The following AOAH variants were observed in gnomAD, a reference collection of about 807,000 sequenced individuals.
The protein encoded by AOAH is acyloxyacyl hydrolase (neutrophil).
A neutral mutation model predicts 92.2 loss-of-function variants in AOAH; 64 were observed. The observed-to-expected ratio is 0.69, with a 90% CI of 0.57 to 0.86. The LOEUF (loss-of-function observed/expected upper bound fraction) is 0.86, where lower values mean the gene tolerates loss of function less well. Ranked by LOEUF, AOAH falls within the 40% of genes least tolerant of loss-of-function variation. The probability of loss-of-function intolerance (pLI) is 0.00; values close to 1 mark genes in which losing one functional copy is unlikely to be tolerated. For synonymous variants in AOAH, 263 were observed against 254.5 expected (o/e 1.03, Z -0.32); for missense variants, 656 against 694.6 (o/e 0.94, Z 0.62).
chr7:36,616,668 T>C (rs1791907358), intron 10 of AOAH, among the ~76,000 whole-genome samples, 194 bp from the exon 11 acceptor site: 1 of 152,180 alleles, frequency 6.6e-6, no homozygotes, highest in African/African-American at 2.4e-5. Flanking sequence ...TTCCAGGCCA[T>C]TGGAGCTGCT....
rs563626642 is a variant in AOAH at position 36,634,294 on chromosome 7, G to A, written c.451-2188C>T. Among the ~76,000 whole-genome samples, 131 of 152,246 alleles carry A rather than the reference G, an allele frequency of 8.6e-4. 2 individuals are homozygous for A. In the Middle Eastern group the frequency reaches 0.027, roughly 32 times the overall value. On this transcript the variant is annotated intron_variant, in intron 5 of 20. Transcript: ENST00000617537. ...AGCAGACAGCTCGGCGCCACACCCTGGGCCTGGTAGTTAAAGATTGACCCC... is the reference window on the plus strand; with the variant it reads ...AGCAGACAGCTCGGCGCCACACCCTAGGCCTGGTAGTTAAAGATTGACCCC...
At chr7:36,620,723 G>A (rs1284103474) in intron 9 of AOAH, 58 bp downstream of exon 9, 2 of 1,544,360 alleles carry the variant, frequency 1.3e-6, no homozygotes, top group Non-Finnish European at 1.8e-6. Context: ...TATGTGATGA[G>A]CTTTAGGGGA....
At chr7:36,627,165 G>T (rs780523064) in intron 6 of AOAH, among the ~76,000 whole-genome samples, 2 of 152,084 alleles carry the variant, frequency 1.3e-5, no homozygotes, top group Non-Finnish European at 2.9e-5. Flanking sequence ...CTTGACATGG[G>T]TAAGGAAATT....
chr7:36,525,206 A>G (rs575093720), intron 19 of AOAH, among the ~76,000 whole-genome samples: 2 of 152,352 alleles, frequency 1.3e-5, no homozygotes, highest in South Asian at 4.1e-4. Context: ...ATGTTGAATC[A>G]AAGCCCATGC....
At position 36,678,585 on chromosome 7, in the gene AOAH, G is replaced by GTT. The variant is rs1562688029; in HGVS notation, c.224-4577_224-4576insAA. On this transcript the variant is annotated intron_variant, in intron 2 of 20. Coordinates refer to ENST00000617537, the MANE Select transcript of AOAH (RefSeq NM_001637.4). ...TGTGTGTGTGTGTGTGTGTGTGTGT[G>GTT]TGTGTGTGTGTGTGTGCGCGCGCGC... Among the ~76,000 whole-genome samples the GTT allele has an allele frequency of 1.4e-3, 179 of 131,074 alleles. 3 individuals are homozygous for GTT. The highest frequency in any genetic ancestry group is 5.4e-3 in the African/African-American group (154 of 28,358). 86.0% of individuals were successfully genotyped at this position (131,074 alleles called of 152,430 possible).
At chr7:36,626,595 C>T (rs1031559839) in intron 6 of AOAH, among the ~76,000 whole-genome samples, 2 of 152,158 alleles carry the variant, frequency 1.3e-5, no homozygotes, top group African/African-American at 4.8e-5. Flanking sequence ...TGATATAGGG[C>T]AATTCGTAAG....
intron 9 of AOAH, 21 bp downstream of exon 9, chr7:36,620,759 CA>C (rs1562629456): frequency 6.2e-7 from 1 of 1,612,276 alleles, no homozygotes; most frequent in East Asian, 2.2e-5. Context: ...GAATGGGGTT[CA>C]AGCTGAATTT....
chr7:36,628,639 C>T (rs967612381), intron 6 of AOAH, among the ~76,000 whole-genome samples: 3 of 152,158 alleles, frequency 2.0e-5, no homozygotes, highest in Non-Finnish European at 2.9e-5. Flanking sequence ...GCTGTGCAAG[C>T]GACTGAAAGT....
At chr7:36,566,395 A>G (rs1787717632) in intron 13 of AOAH, among the ~76,000 whole-genome samples, 2 of 148,608 alleles carry the variant, frequency 1.3e-5, no homozygotes, top group African/African-American at 5.0e-5. Context: ...TCTCTTTTCA[A>G]GAAGGCCACT....
intron 1 of AOAH, among the ~76,000 whole-genome samples, chr7:36,704,299 G>C (rs532594756): frequency 1.4e-3 from 219 of 152,168 alleles, no homozygotes; most frequent in African/African-American, 5.2e-3. Context: ...CCATTCTGTA[G>C]GTTGCCTGTT....
chr7:36,530,925 C>T lies in AOAH; in HGVS notation c.1426-411G>A, dbSNP rs75182292. ...CCCAGTAATTCTTCTAGGAATTTGT[C>T]TCAAGGAAATTGAGATGTACACAGA... On this transcript the variant is annotated intron_variant, in intron 18 of 20. Coordinates refer to ENST00000617537, the MANE Select transcript of AOAH (RefSeq NM_001637.4). 4.5e-3 allele frequency among the ~76,000 whole-genome samples: 678 copies of T among 152,232 alleles called. 8 individuals are homozygous for T. Among genetic ancestry groups the T allele is most frequent in the African/African-American group, 0.016 (659 of 41,530 alleles).
intron 13 of AOAH, among the ~76,000 whole-genome samples, chr7:36,552,754 C>A (rs1248117774): frequency 6.6e-6 from 1 of 152,132 alleles, no homozygotes; most frequent in Admixed American, 6.5e-5. Context: ...AGTCTTGTGC[C>A]TATTCTTGCC....
intron 12 of AOAH, among the ~76,000 whole-genome samples, chr7:36,584,772 T>G (rs553268193): frequency 2.6e-5 from 4 of 152,338 alleles, no homozygotes; most frequent in African/African-American, 9.6e-5. Context: ...CCTTTGCCTA[T>G]TTCCCCCAAA....
At chr7:36,673,092 G>C (rs1796024372) in intron 3 of AOAH, among the ~76,000 whole-genome samples, 1 of 152,136 alleles carries the variant, frequency 6.6e-6, no homozygotes, top group African/African-American at 2.4e-5. Context: ...GTCCTAGACT[G>C]TTTTGGGTGG....
intron 15 of AOAH, among the ~76,000 whole-genome samples, chr7:36,542,173 G>T (rs1785467161): frequency 6.6e-6 from 1 of 152,192 alleles, no homozygotes; most frequent in Non-Finnish European, 1.5e-5. Flanking sequence ...GGAAGGCCAT[G>T]TGAAGACAGA....
intron 19 of AOAH, among the ~76,000 whole-genome samples, chr7:36,522,867 C>A (rs1452226761): frequency 6.6e-6 from 1 of 152,172 alleles, no homozygotes; most frequent in Non-Finnish European, 1.5e-5. Flanking sequence ...GGGGGGCAGG[C>A]ACAACTAAGA....
chr7:36,717,963 T>C (rs1383011428), intron 1 of AOAH, among the ~76,000 whole-genome samples: 1 of 152,006 alleles, frequency 6.6e-6, no homozygotes, highest in Non-Finnish European at 1.5e-5. Flanking sequence ...TACACTGGAC[T>C]CCATCAAAAT....
At chr7:36,554,683 T>C (rs1460159094) in intron 13 of AOAH, among the ~76,000 whole-genome samples, 1 of 151,414 alleles carries the variant, frequency 6.6e-6, no homozygotes, top group African/African-American at 2.4e-5. Flanking sequence ...GTAGTTCTCC[T>C]TGAAGAGGTC....
chr7:36,724,121 C>T lies in AOAH; in HGVS notation c.28G>A (p.Val10Met), dbSNP rs776587292. 1 of 1,613,540 alleles carries T rather than the reference C, an allele frequency of 6.2e-7. No individual in the cohort carries two copies. The highest frequency in any genetic ancestry group is 1.1e-5 in the South Asian group (1 of 91,062). Residue 10 changes from valine to methionine, a missense_variant, in exon 1 of 21, where the codon GTG (valine) becomes ATG (methionine). Coordinates refer to ENST00000617537, the MANE Select transcript of AOAH (RefSeq NM_001637.4). ...GACAGGAGCAAGAATAGAGGCGCCACCGTAAGGATTTTCCAGGGGGACTGC... is the reference window on the plus strand; with the variant it reads ...GACAGGAGCAAGAATAGAGGCGCCATCGTAAGGATTTTCCAGGGGGACTGC... Reference protein sequence around the residue: MQSPWKILTVAPLFLLLSLQ... With the variant: MQSPWKILTMAPLFLLLSLQ...
Sources: gnomAD v4.1 joint callset for allele counts (sites outside exome capture counted in the v4.1 genomes callset) on GRCh38, gnomAD v4.1.1 for gene constraint, MANE v1.5 for transcripts, NCBI Gene and HGNC (gene_info 2026-07-23, HGNC 2026-07-21) for gene names.